PRKCB: variants seen among roughly 807,000 people sequenced by gnomAD.
The protein encoded by PRKCB is protein kinase C beta, also known as protein kinase C beta type.
A neutral mutation model predicts 81.5 loss-of-function variants in PRKCB; 13 were observed. That is an observed-to-expected ratio of 0.16 (90% CI 0.10 to 0.25). The LOEUF is 0.25. PRKCB is among the 10% of genes least tolerant of loss of function. PRKCB has a pLI of 1.00. For synonymous variants in PRKCB, 335 were observed against 321.4 expected, an observed-to-expected ratio of 1.04 and a Z score of -0.45; for missense variants, 509 against 875.7, an observed-to-expected ratio of 0.58 and a Z score of 5.29.
At chr16:24,062,843 C>G (rs767494639) in intron 5 of PRKCB, among the ~76,000 whole-genome samples, 1 of 151,882 alleles carries the variant, frequency 6.6e-6, no homozygotes, top group African/African-American at 2.4e-5. Context: ...TTGCTTGCAT[C>G]CCTCACCTCC....
At chr16:24,060,331 G>A (rs950214775) in intron 5 of PRKCB, among the ~76,000 whole-genome samples, 1 of 152,114 alleles carries the variant, frequency 6.6e-6, no homozygotes, top group Non-Finnish European at 1.5e-5. Context: ...CCTTCACAGC[G>A]CTTAGTGCAT....
rs569980136 is a variant in PRKCB at position 24,217,803 on chromosome 16, A to G, written c.*2987A>G. 1.0e-6 allele frequency: 1 copy of G among 985,462 alleles called. No individual in the cohort carries two copies. Among genetic ancestry groups the G allele is most frequent in the African/African-American group, 1.7e-5 (1 of 57,350 alleles). 61.0% of individuals were successfully genotyped at this position (985,462 alleles called of 1,614,324 possible). A position where few individuals can be genotyped will look rare whatever the true frequency, so the allele number is the denominator to read the frequency against. On this transcript the variant is annotated 3_prime_UTR_variant, in exon 17 of 17. Coordinates refer to ENST00000643927, the MANE Select transcript of PRKCB (RefSeq NM_002738.7). The stretch of plus-strand genomic sequence containing the variant: ...GCAGCTTTGTGTCTTCTAGCTCCAA[A>G]TATACCTGCCTTTTAGCTCACACAC...
At chr16:24,036,213 G>C (rs1005796219) in intron 5 of PRKCB, among the ~76,000 whole-genome samples, 23 of 150,708 alleles carry the variant, frequency 1.5e-4, no homozygotes, top group South Asian at 8.4e-4. Flanking sequence ...GGAGCTGCTG[G>C]TGGTGGTGGT....
chr16:24,134,704 A>C (rs916618689), intron 9 of PRKCB, among the ~76,000 whole-genome samples: 1 of 151,782 alleles, frequency 6.6e-6, no homozygotes, highest in East Asian at 1.9e-4. Context: ...AGTCGAGATC[A>C]TGTCACTGCA....
chr16:24,172,429 T>A, intron 11 of PRKCB, 68 bp downstream of exon 11: 1 of 1,403,988 alleles, frequency 7.1e-7, no homozygotes, highest in Non-Finnish European at 9.9e-7. Context: ...CCTTTGAGGG[T>A]GTTTTTTTGC....
At chr16:23,932,179 G>T (rs183235661) in intron 2 of PRKCB, among the ~76,000 whole-genome samples, 8 of 152,332 alleles carry the variant, frequency 5.3e-5, no homozygotes, top group Admixed American at 4.6e-4. Context: ...CTAAGATAGT[G>T]TGTGGACCTC....
intron 15 of PRKCB, among the ~76,000 whole-genome samples, chr16:24,186,257 G>A (rs756468504): frequency 5.3e-5 from 8 of 152,118 alleles, no homozygotes; most frequent in Non-Finnish European, 7.3e-5. Context: ...AAAGATCAGC[G>A]ACCCTCACCT....
intron 2 of PRKCB, among the ~76,000 whole-genome samples, chr16:23,923,476 C>T (rs996556298): frequency 4.6e-5 from 7 of 152,068 alleles, no homozygotes; most frequent in African/African-American, 1.7e-4. Flanking sequence ...GATTGACCAC[C>T]CTTATCTACT....
At chr16:24,202,121 G>T (rs1967968204) in intron 16 of PRKCB, among the ~76,000 whole-genome samples, 1 of 152,060 alleles carries the variant, frequency 6.6e-6, no homozygotes, top group African/African-American at 2.4e-5. Context: ...AAAAACAGCA[G>T]CTGTCCTTTC....
chr16:24,213,601 A>G (rs1968179904), intron 16 of PRKCB, among the ~76,000 whole-genome samples: 1 of 152,230 alleles, frequency 6.6e-6, no homozygotes, highest in Admixed American at 6.5e-5. Context: ...ATCAGCAGTC[A>G]TAATTGTTAT....
chr16:24,177,500 A>T (rs1382150948), intron 12 of PRKCB, among the ~76,000 whole-genome samples: 2 of 152,188 alleles, frequency 1.3e-5, no homozygotes, highest in Non-Finnish European at 2.9e-5. Flanking sequence ...AAAATGACAG[A>T]TACTCATTTC....
intron 16 of PRKCB, among the ~76,000 whole-genome samples, chr16:24,195,646 A>C (rs1339033013): frequency 1.3e-5 from 2 of 152,210 alleles, no homozygotes; most frequent in East Asian, 3.9e-4. Context: ...ATTGAAATAC[A>C]CTAGATTTGG....
intron 2 of PRKCB, among the ~76,000 whole-genome samples, chr16:23,910,374 T>G (rs1334839150): frequency 6.6e-6 from 1 of 152,184 alleles, no homozygotes; most frequent in African/African-American, 2.4e-5. Context: ...TAATTAACAC[T>G]AGATCACTGT....
intron 9 of PRKCB, among the ~76,000 whole-genome samples, chr16:24,134,789 G>A (rs1213949273): frequency 6.6e-6 from 1 of 151,344 alleles, no homozygotes; most frequent in African/African-American, 2.4e-5. Context: ...GCACACAGTT[G>A]TAGTCCTAGC....
chr16:24,113,871 C>T (rs560487465), intron 8 of PRKCB, among the ~76,000 whole-genome samples: 1 of 152,064 alleles, frequency 6.6e-6, no homozygotes, highest in South Asian at 2.1e-4. Flanking sequence ...CATTCACTGC[C>T]CACCATTTTG....
At chr16:24,117,867 A>G (rs1445001732) in intron 8 of PRKCB, among the ~76,000 whole-genome samples, 1 of 152,232 alleles carries the variant, frequency 6.6e-6, no homozygotes, top group Non-Finnish European at 1.5e-5. Flanking sequence ...ATCAAGGGAC[A>G]GGAAGCTGAG....
chr16:23,903,835 T>C (rs1963519369), intron 2 of PRKCB, among the ~76,000 whole-genome samples: 3 of 152,184 alleles, frequency 2.0e-5, no homozygotes. Context: ...TCAAGTTCCT[T>C]CTGGATATTG....
chr16:23,974,571 G>A (rs925475556), intron 2 of PRKCB, among the ~76,000 whole-genome samples: 7 of 152,218 alleles, frequency 4.6e-5, no homozygotes, highest in African/African-American at 1.7e-4. Flanking sequence ...GTCCTTAGGA[G>A]GCAGAGAACC....
At chr16:23,992,288 A>T (rs939416008) in intron 3 of PRKCB, among the ~76,000 whole-genome samples, 2 of 152,142 alleles carry the variant, frequency 1.3e-5, no homozygotes, top group African/African-American at 2.4e-5. Flanking sequence ...GTATAGAGGA[A>T]CAAAATTTTA....
Sources: allele counts gnomAD v4.1 joint callset (sites outside exome capture counted in the v4.1 genomes callset), GRCh38; gene constraint gnomAD v4.1.1; transcripts MANE v1.5; gene names NCBI Gene and HGNC (gene_info 2026-07-23, HGNC 2026-07-21).